The following SHISA9 variants were observed in gnomAD, a reference collection of about 807,000 sequenced individuals.
The protein encoded by SHISA9 is shisa family member 9.
A neutral mutation model predicts 38.0 loss-of-function variants in SHISA9; 13 were observed. The observed-to-expected ratio is 0.34, with a 90% CI of 0.22 to 0.54. The LOEUF is 0.54. Ranked by LOEUF, SHISA9 falls within the 20% of genes least tolerant of loss-of-function variation. The probability of loss-of-function intolerance (pLI) is 0.91; values close to 1 mark genes in which losing one functional copy is unlikely to be tolerated. For missense variants in SHISA9, 538 were observed against 575.8 expected (o/e 0.93, Z 0.67); for synonymous variants, 275 against 242.0 (o/e 1.14, Z -1.27).
At chr16:13,416,791 G>GGAA in the SHISA9 span, among the ~76,000 whole-genome samples, 3,306 of 72,664 alleles carry the variant, frequency 0.045, 73 homozygotes, top group African/African-American at 0.073. Context: ...AAGGAAGGAA[G>GGAA]GGAAGGAAGG....
chr16:13,473,499 CT>C, the SHISA9 span, among the ~76,000 whole-genome samples: 1 of 151,870 alleles, frequency 6.6e-6, no homozygotes, highest in Non-Finnish European at 1.5e-5. Context: ...AACATGCCTT[CT>C]TGGATTTGGC....
chr16:13,477,946 CAG>C, the SHISA9 span, among the ~76,000 whole-genome samples: 1 of 152,180 alleles, frequency 6.6e-6, no homozygotes, highest in African/African-American at 2.4e-5. Flanking sequence ...GCCTGGGAAA[CAG>C]AGCGAGACTC....
chr16:13,409,722 C>A, the SHISA9 span, among the ~76,000 whole-genome samples: 31 of 152,320 alleles, frequency 2.0e-4, no homozygotes, highest in Admixed American at 3.3e-4. Flanking sequence ...TCTGCAGCAC[C>A]AACTATCAGG....
the SHISA9 span, among the ~76,000 whole-genome samples, chr16:13,483,978 C>A: frequency 6.6e-6 from 1 of 152,106 alleles, no homozygotes; most frequent in African/African-American, 2.4e-5. Context: ...TCTTGGGAAC[C>A]CCAGTTTGAA....
intron 4 of SHISA9, among the ~76,000 whole-genome samples, chr16:13,230,708 TAAG>T (rs1448739347): frequency 6.6e-6 from 1 of 152,180 alleles, no homozygotes; most frequent in Non-Finnish European, 1.5e-5. Flanking sequence ...TTAAGTTTAA[TAAG>T]AAGTAGAGGA....
chr16:13,040,605 A>G (rs1320483734), intron 2 of SHISA9, among the ~76,000 whole-genome samples: 2 of 152,238 alleles, frequency 1.3e-5, no homozygotes, highest in Non-Finnish European at 2.9e-5. Flanking sequence ...GTAAACTTCA[A>G]GAGAGCAGGG....
At chr16:13,240,763 T>C (rs1213947177), downstream of SHISA9, among the ~76,000 whole-genome samples, 1 of 152,198 alleles carries the variant, frequency 6.6e-6, no homozygotes, top group Non-Finnish European at 1.5e-5. Flanking sequence ...ATCAGGGTCA[T>C]AGAAGACACA....
intron 1 of SHISA9, among the ~76,000 whole-genome samples, chr16:12,913,369 G>A (rs557640925): frequency 6.6e-6 from 1 of 152,194 alleles, no homozygotes; most frequent in African/African-American, 2.4e-5. Flanking sequence ...GCTAATTATT[G>A]TATTTTTAGT....
intron 2 of SHISA9, among the ~76,000 whole-genome samples, chr16:13,137,437 C>T (rs1329931616): frequency 1.3e-5 from 2 of 151,864 alleles, no homozygotes; most frequent in African/African-American, 4.8e-5. Flanking sequence ...TTAGAGAGCC[C>T]ATAACGGAGG....
At chr16:13,145,977 C>A (rs567932784) in intron 2 of SHISA9, among the ~76,000 whole-genome samples, 1 of 152,200 alleles carries the variant, frequency 6.6e-6, no homozygotes, top group African/African-American at 2.4e-5. Flanking sequence ...TGCTTGAGGT[C>A]GAGAGTTTGA....
chr16:13,360,684 T>C, the SHISA9 span, among the ~76,000 whole-genome samples: 1 of 152,196 alleles, frequency 6.6e-6, no homozygotes. Context: ...AACAGACTAA[T>C]ACAGGGCTTT....
At chr16:13,357,552 C>T in the SHISA9 span, among the ~76,000 whole-genome samples, 2 of 152,092 alleles carry the variant, frequency 1.3e-5, no homozygotes, top group African/African-American at 4.8e-5. Context: ...GGAGGTCCCC[C>T]GATCCGAGTC....
chr16:13,000,855 C>A (rs1344240420), intron 2 of SHISA9, among the ~76,000 whole-genome samples: 1 of 152,130 alleles, frequency 6.6e-6, no homozygotes, highest in Non-Finnish European at 1.5e-5. Flanking sequence ...AGAAATAAAG[C>A]TTTTTCCTGG....
At chr16:13,440,557 A>C in the SHISA9 span, among the ~76,000 whole-genome samples, 2 of 152,232 alleles carry the variant, frequency 1.3e-5, no homozygotes, top group Non-Finnish European at 1.5e-5. Context: ...TTCTGTTAAC[A>C]GAGTCTCTTC....
chr16:12,956,176 C>A (rs2071832063), intron 2 of SHISA9, among the ~76,000 whole-genome samples: 1 of 151,462 alleles, frequency 6.6e-6, no homozygotes, highest in Non-Finnish European at 1.5e-5. Flanking sequence ...TAAAGCCACA[C>A]TGAGCTACGC....
chr16:13,012,834 C>T (rs1397084511), intron 2 of SHISA9, among the ~76,000 whole-genome samples: 3 of 152,154 alleles, frequency 2.0e-5, no homozygotes, highest in African/African-American at 7.2e-5. Context: ...TCCTGTGTCT[C>T]CAACAGTCAG....
chr16:13,225,933 G>T (rs946146743), intron 4 of SHISA9, among the ~76,000 whole-genome samples: 7 of 152,202 alleles, frequency 4.6e-5, no homozygotes, highest in African/African-American at 1.7e-4. Context: ...TGTAAATGAA[G>T]AAAAGTCAAA....
chr16:13,398,262 G>C, the SHISA9 span, among the ~76,000 whole-genome samples: 4 of 152,200 alleles, frequency 2.6e-5, no homozygotes, highest in Admixed American at 2.6e-4. Flanking sequence ...CCCGGGGGTG[G>C]AGCCCTGGCC....
chr16:13,291,210 A>G, the SHISA9 span, among the ~76,000 whole-genome samples: 1 of 152,284 alleles, frequency 6.6e-6, no homozygotes, highest in Non-Finnish European at 1.5e-5. Context: ...AGACACCGCA[A>G]GACCCTTTGA....
Sources: gnomAD v4.1 joint callset for allele counts (sites outside exome capture counted in the v4.1 genomes callset) on GRCh38, gnomAD v4.1.1 for gene constraint, MANE v1.5 for transcripts, NCBI Gene and HGNC (gene_info 2026-07-23, HGNC 2026-07-21) for gene names.